Variants in PTAFR observed in about 807,000 individuals in gnomAD.
The protein encoded by PTAFR is platelet-activating factor receptor.
In PTAFR, 8 loss-of-function variants were observed where a neutral mutation model predicts 14.7. The ratio of observed to expected loss-of-function variants is 0.54; its 90% CI spans 0.32 to 0.98. PTAFR has a LOEUF of 0.98. Among genes scored for constraint, PTAFR ranks in the 50% least tolerant of loss-of-function variants. PTAFR has a pLI of 0.04. For synonymous variants in PTAFR, 156 were observed against 176.5 expected (o/e 0.88, Z 0.92); for missense variants, 337 against 451.2 (o/e 0.75, Z 2.29).
At chr1:28,190,041 C>T (rs1194761778) in intron 1 of PTAFR, among the ~76,000 whole-genome samples, 2 of 150,438 alleles carry the variant, frequency 1.3e-5, no homozygotes, top group Admixed American at 6.7e-5. Context: ...GGTGCAATCT[C>T]GGCTCACTGC....
intron 1 of PTAFR, among the ~76,000 whole-genome samples, chr1:28,154,831 A>AGAG (rs1553164370): frequency 2.1e-4 from 11 of 53,554 alleles, no homozygotes; most frequent in African/African-American, 3.8e-4. Flanking sequence ...AAAAAAAAAA[A>AGAG]GTGGGGGGGG....
intron 1 of PTAFR, among the ~76,000 whole-genome samples, chr1:28,173,508 A>C (rs991864910): frequency 6.6e-6 from 1 of 151,938 alleles, no homozygotes; most frequent in East Asian, 1.9e-4. Context: ...AAAATTAATC[A>C]GGCAAGATGG....
intron 1 of PTAFR, among the ~76,000 whole-genome samples, chr1:28,189,225 A>G (rs190577052): frequency 2.0e-5 from 3 of 152,122 alleles, no homozygotes; most frequent in African/African-American, 7.2e-5. Context: ...AAAATATTAA[A>G]CACAGAAATA....
intron 1 of PTAFR, among the ~76,000 whole-genome samples, chr1:28,175,871 GGCCAAGACCACACA>G (rs1348048390): frequency 6.6e-6 from 1 of 152,066 alleles, no homozygotes; most frequent in Non-Finnish European, 1.5e-5. Flanking sequence ...AGCGTAACTT[GGCCAAGACCACACA>G]GCTAGTCAAG....
At chr1:28,152,020 G>A (rs1209957610) in intron 1 of PTAFR, among the ~76,000 whole-genome samples, 1 of 152,100 alleles carries the variant, frequency 6.6e-6, no homozygotes, top group African/African-American at 2.4e-5. Flanking sequence ...AGCCTCCTGA[G>A]TAGCTGGGAC....
intron 1 of PTAFR, among the ~76,000 whole-genome samples, chr1:28,164,902 G>A (rs1170447874): frequency 6.6e-6 from 1 of 152,202 alleles, no homozygotes; most frequent in Non-Finnish European, 1.5e-5. Flanking sequence ...CAAAGGGATG[G>A]CATGACCTGC....
chr1:28,168,726 T>C (rs1328206494), intron 1 of PTAFR, among the ~76,000 whole-genome samples: 2 of 152,144 alleles, frequency 1.3e-5, no homozygotes, highest in African/African-American at 2.4e-5. Context: ...TGGAGTGCTG[T>C]GGCATGATAT....
intron 1 of PTAFR, among the ~76,000 whole-genome samples, chr1:28,172,773 A>G (rs1455110878): frequency 6.6e-6 from 1 of 152,180 alleles, no homozygotes; most frequent in East Asian, 1.9e-4. Context: ...CTCTGGCCTC[A>G]GCTGTGCCAC....
At chr1:28,180,270 C>A (rs1175445424), upstream of PTAFR, among the ~76,000 whole-genome samples, 1 of 152,154 alleles carries the variant, frequency 6.6e-6, no homozygotes, top group African/African-American at 2.4e-5. Flanking sequence ...ATCCCAACTA[C>A]CCGGGAGGCT....
intron 1 of PTAFR, among the ~76,000 whole-genome samples, chr1:28,154,497 CG>C (rs1184123198): frequency 1.3e-5 from 2 of 152,062 alleles, no homozygotes; most frequent in Admixed American, 1.3e-4. Context: ...AAACAAACAC[CG>C]TTGTTATACA....
chr1:28,182,510 CA>C (rs1348439553), intron 1 of PTAFR, among the ~76,000 whole-genome samples: 2 of 151,554 alleles, frequency 1.3e-5, no homozygotes, highest in Non-Finnish European at 2.9e-5. Flanking sequence ...TCCATCTTTA[CA>C]AAAACTTTTT....
intron 1 of PTAFR, among the ~76,000 whole-genome samples, chr1:28,154,954 C>T (rs1003158174): frequency 6.6e-6 from 1 of 152,066 alleles, no homozygotes; most frequent in African/African-American, 2.4e-5. Context: ...GCAGAGAACT[C>T]TGCATGGGTC....
At chr1:28,166,101 A>G (rs949391869) in intron 1 of PTAFR, among the ~76,000 whole-genome samples, 2 of 152,232 alleles carry the variant, frequency 1.3e-5, no homozygotes, top group African/African-American at 4.8e-5. Context: ...GACTGGCATA[A>G]AGACAGACAC....
At chr1:28,189,818 ACTGTGTCCAG>A (rs1172012116) in intron 1 of PTAFR, among the ~76,000 whole-genome samples, 1 of 150,588 alleles carries the variant, frequency 6.6e-6, no homozygotes, top group Non-Finnish European at 1.5e-5. Context: ...GGTGCACACC[ACTGTGTCCAG>A]CTAACTTTTG....
upstream of PTAFR, among the ~76,000 whole-genome samples, chr1:28,180,615 A>C (rs1375766442): frequency 1.3e-5 from 2 of 152,154 alleles, no homozygotes; most frequent in Non-Finnish European, 2.9e-5. Flanking sequence ...TGCATCACCA[A>C]TCCCACAGTG....
Position 28,149,090 on chromosome 1 carries a change from C to T in PTAFR, c.*903G>A, listed in dbSNP as rs1208715214. 1.3e-5 allele frequency: 2 copies of T among 152,228 alleles called. No homozygotes were observed. The highest frequency in any genetic ancestry group is 6.5e-5 in the Admixed American group (1 of 15,276). The allele number at this position is 152,228 out of a possible 1,614,324, so 9.4% of individuals were successfully genotyped here. A position where few individuals can be genotyped will look rare whatever the true frequency, so the allele number is the denominator to read the frequency against. On this transcript the variant is annotated 3_prime_UTR_variant, in exon 2 of 2. Coordinates refer to ENST00000373857, the MANE Select transcript of PTAFR (RefSeq NM_000952.5). ...GCAAGCTCTTGTCCTAGCTTTTGGT[C>T]TGTTCATGTTTTATCTTCTTTGGTC...
intron 1 of PTAFR, among the ~76,000 whole-genome samples, chr1:28,170,965 A>T (rs961615218): frequency 1.2e-4 from 18 of 152,056 alleles, no homozygotes; most frequent in African/African-American, 4.3e-4. Context: ...GTGCCACTGC[A>T]CTCCAGCCTG....
Position 28,148,755 on chromosome 1 carries a change from T to G in PTAFR, c.*1238A>C, listed in dbSNP as rs1646143966. 6.6e-6 allele frequency: 1 copy of G among 152,126 alleles called. No homozygotes were observed. The highest frequency in any genetic ancestry group is 1.5e-5 in the Non-Finnish European group (1 of 68,038). The allele number at this position is 152,126 out of a possible 1,614,324, so 9.4% of individuals were successfully genotyped here. A position where few individuals can be genotyped will look rare whatever the true frequency, so the allele number is the denominator to read the frequency against. On this transcript the variant is annotated 3_prime_UTR_variant, in exon 2 of 2. Transcript: ENST00000373857. ...CTGGGATTACAGGCATGAGCCATAT[T>G]TTTGTATTCTTAGTGGAGATGGCGT...
chr1:28,162,654 C>T (rs1646336828), intron 1 of PTAFR, among the ~76,000 whole-genome samples: 2 of 151,634 alleles, frequency 1.3e-5, no homozygotes, highest in South Asian at 2.1e-4. Context: ...AATGAAACCC[C>T]CTCTCTAATA....
Sources: allele counts gnomAD v4.1 joint callset (sites outside exome capture counted in the v4.1 genomes callset), GRCh38; gene constraint gnomAD v4.1.1; transcripts MANE v1.5; gene names NCBI Gene and HGNC (gene_info 2026-07-23, HGNC 2026-07-21).